The following AGAP5 variants were observed in gnomAD, a reference collection of about 807,000 sequenced individuals.
AGAP5 encodes the protein arf-GAP with GTPase, ANK repeat and PH domain-containing protein 5.
Under a neutral mutation model 27.7 loss-of-function variants are expected in AGAP5, and 8 were observed. The observed-to-expected ratio is 0.29, with a 90% CI of 0.17 to 0.52. AGAP5 has a LOEUF of 0.52. Among genes scored for constraint, AGAP5 ranks in the 20% least tolerant of loss-of-function variants. The pLI, the probability that AGAP5 is intolerant of heterozygous loss-of-function variation, is 0.97. For missense variants in AGAP5, 285 were observed against 880.8 expected, an observed-to-expected ratio of 0.32 and a Z score of 8.56; for synonymous variants, 111 against 338.0, an observed-to-expected ratio of 0.33 and a Z score of 7.37.
rs560102017 is a variant in AGAP5 at position 73,685,713 on chromosome 10, C to T, written c.397-2919G>A. 1.3e-4 allele frequency among the ~76,000 whole-genome samples: 20 copies of T among 151,982 alleles called. No homozygotes were observed. The East Asian group carries it at 1.4e-3, about 10-fold the overall frequency. ...GATTACAGGTGAGCACCACCACGCC[C>T]GGCTAACTTTTGTATTTTTAGTAGA... On this transcript the variant is annotated intron_variant, in intron 4 of 7. Coordinates refer to ENST00000374094, the MANE Select transcript of AGAP5 (RefSeq NM_001144000.4).
At chr10:73,694,668 C>G in intron 3 of AGAP5, 68 bp downstream of exon 3, 2 of 1,591,512 alleles carry the variant, frequency 1.3e-6, no homozygotes, top group East Asian at 4.5e-5. Flanking sequence ...TTTCTAAATA[C>G]TTTCTATAAC....
At chr10:73,688,985 G>GCCGCCT (rs376480052) in intron 4 of AGAP5, among the ~76,000 whole-genome samples, 25 of 152,092 alleles carry the variant, frequency 1.6e-4, no homozygotes, top group Middle Eastern at 3.4e-3. Context: ...CTCTGCCTCT[G>GCCGCCT]CCGCCTCCGC....
intron 4 of AGAP5, 82 bp downstream of exon 4, chr10:73,691,961 C>G (rs2082123055): frequency 1.6e-6 from 2 of 1,242,626 alleles, no homozygotes; most frequent in East Asian, 5.3e-5. Flanking sequence ...CCACCAGGTC[C>G]ACATTGTAAT....
intron 4 of AGAP5, among the ~76,000 whole-genome samples, chr10:73,689,601 A>G (rs1162329394): frequency 1.0e-4 from 14 of 139,656 alleles, no homozygotes; most frequent in African/African-American, 3.9e-4. Context: ...CTGCCCGGCC[A>G]CCCATCATCT....
intron 2 of AGAP5, among the ~76,000 whole-genome samples, chr10:73,695,380 T>C (rs1213107746): frequency 6.6e-6 from 1 of 152,186 alleles, no homozygotes; most frequent in Non-Finnish European, 1.5e-5. Flanking sequence ...ACAGGCCTTA[T>C]TTGTATTGGA....
intron 4 of AGAP5, among the ~76,000 whole-genome samples, chr10:73,688,361 C>T (rs1423937395): frequency 6.6e-6 from 1 of 151,956 alleles, no homozygotes; most frequent in East Asian, 1.9e-4. Context: ...GCTTCTAAGG[C>T]CTCACACTGA....
intron 4 of AGAP5, among the ~76,000 whole-genome samples, chr10:73,690,774 C>T (rs1312484600): frequency 1.3e-5 from 2 of 152,162 alleles, no homozygotes; most frequent in African/African-American, 2.4e-5. Flanking sequence ...GAAGGAAACA[C>T]AGAATCTAGG....
intron 4 of AGAP5, among the ~76,000 whole-genome samples, chr10:73,689,949 CT>C: frequency 6.6e-6 from 1 of 151,720 alleles, no homozygotes; most frequent in Non-Finnish European, 1.5e-5. Context: ...TGAGGAGCCC[CT>C]CTGCCCGGCC....
At position 73,697,897 on chromosome 10, in the gene AGAP5, C is replaced by T. The variant is rs534784930; in HGVS notation, c.-142G>A. 5.2e-4 allele frequency: 805 copies of T among 1,536,104 alleles called. 9 individuals carry two copies. The South Asian group carries it at 8.5e-3, about 16-fold the overall frequency. On this transcript the variant is annotated 5_prime_UTR_variant, in exon 1 of 8. Coordinates refer to ENST00000374094, the MANE Select transcript of AGAP5 (RefSeq NM_001144000.4). Reference sequence around the variant, plus strand: ...GCCTGCCCACCTCACAGCGCGGCCCCGGGCACCATCCCTGGCCCCGGCCCC... The same window carrying T: ...GCCTGCCCACCTCACAGCGCGGCCCTGGGCACCATCCCTGGCCCCGGCCCC...
rs536217128 is a variant in AGAP5 at position 73,685,358 on chromosome 10, A to T, written c.397-2564T>A. Among the ~76,000 whole-genome samples, 5 of 149,582 alleles carry T rather than the reference A, an allele frequency of 3.3e-5. No individual in the cohort carries two copies. In the East Asian group the frequency reaches 9.9e-4, roughly 30 times the overall value. ...TATTACATTGAGCTATGACCCTTGT[A>T]TGCTGATTTTGCTGAGGGTTTTAAT... On this transcript the variant is annotated intron_variant, in intron 4 of 7. Coordinates refer to ENST00000374094, the MANE Select transcript of AGAP5 (RefSeq NM_001144000.4).
At chr10:73,690,964 C>T (rs978246077) in intron 4 of AGAP5, among the ~76,000 whole-genome samples, 5 of 152,116 alleles carry the variant, frequency 3.3e-5, no homozygotes, top group East Asian at 1.9e-4. Flanking sequence ...GGTGTGTTTT[C>T]GCAGATGGAA....
intron 4 of AGAP5, among the ~76,000 whole-genome samples, chr10:73,689,366 G>A (rs910254186): frequency 2.0e-5 from 3 of 152,214 alleles, no homozygotes; most frequent in African/African-American, 7.2e-5. Flanking sequence ...GCCTGCCTTG[G>A]CCTCCCAAAG....
chr10:73,692,107 C>T, intron 3 of AGAP5, 30 bp from the exon 4 acceptor site: 14 of 1,516,490 alleles, frequency 9.2e-6, no homozygotes, highest in Non-Finnish European at 1.2e-5. Context: ...CTGGTCACTT[C>T]TGATACAAAT....
chr10:73,690,456 G>A (rs2082107634), intron 4 of AGAP5, among the ~76,000 whole-genome samples: 1 of 152,058 alleles, frequency 6.6e-6, no homozygotes, highest in Non-Finnish European at 1.5e-5. Flanking sequence ...GAAGTACCCA[G>A]GGACACAAAC....
rs2132464911 is a variant in AGAP5, at chr10:73,697,196, G to A, written c.224-33C>T. The A allele has an allele frequency of 2.5e-6, 4 of 1,591,426 alleles. No homozygotes were observed. In the East Asian group the frequency reaches 6.7e-5, roughly 27 times the overall value. Reference sequence around the variant, plus strand: ...TATAGAGGGAGAAAAGAAAAAAGATGTAATCATTTATAAAAATTTATCAAC... The same window carrying A: ...TATAGAGGGAGAAAAGAAAAAAGATATAATCATTTATAAAAATTTATCAAC... On this transcript the variant is annotated intron_variant, in intron 1 of 7. Transcript: ENST00000374094.
At chr10:73,677,010 C>T (rs1311065667) in intron 6 of AGAP5, among the ~76,000 whole-genome samples, 1 of 152,140 alleles carries the variant, frequency 6.6e-6, no homozygotes, top group Non-Finnish European at 1.5e-5. Flanking sequence ...TGAATATTGA[C>T]TCTCCCTAAC....
chr10:73,694,580 CTAAAGGAAAGTATATCACA>C (rs747063776), intron 3 of AGAP5, among the ~76,000 whole-genome samples, 137 bp downstream of exon 3: 5 of 152,102 alleles, frequency 3.3e-5, no homozygotes, highest in Non-Finnish European at 5.9e-5. Flanking sequence ...ATCATAACAA[CTAAAGGAAAGTATATCACA>C]TATTAAAATA....
chr10:73,675,327 T>TG lies in AGAP5; in HGVS notation c.1332dup (p.Ser445GlnfsTer9). 1.2e-6 allele frequency: 2 copies of TG among 1,613,680 alleles called. No individual in the cohort carries two copies. Among genetic ancestry groups the TG allele is most frequent in the South Asian group, 2.2e-5 (2 of 91,064 alleles). ...TTACTGCTCTCGCATGACTGCAGGC[T>TG]GGCCAGGATCTGGCTCTGGATGGCT... On this transcript the variant is annotated frameshift_variant, in exon 8 of 8. Transcript: ENST00000374094. LOFTEE classifies it low-confidence loss of function (END_TRUNC).
intron 4 of AGAP5, among the ~76,000 whole-genome samples, chr10:73,689,039 C>T (rs984989805): frequency 7.2e-5 from 11 of 152,210 alleles, no homozygotes; most frequent in African/African-American, 2.7e-4. Flanking sequence ...GATGCCCAGC[C>T]GAAGCTGGAC....
Sources: allele counts gnomAD v4.1 joint callset (sites outside exome capture counted in the v4.1 genomes callset), GRCh38; gene constraint gnomAD v4.1.1; transcripts MANE v1.5; gene names NCBI Gene and HGNC (gene_info 2026-07-23, HGNC 2026-07-21).